Variants in HS6ST3 observed in about 807,000 individuals in gnomAD.
HS6ST3 encodes the protein heparan-sulfate 6-O-sulfotransferase 3.
HS6ST3 carries 12 observed loss-of-function variants against 36.7 expected under a neutral mutation model. The observed-to-expected ratio is 0.33, with a 90% CI of 0.21 to 0.53. The LOEUF (loss-of-function observed/expected upper bound fraction) is 0.53, where lower values mean the gene tolerates loss of function less well. Ranked by LOEUF, HS6ST3 falls within the 20% of genes least tolerant of loss-of-function variation. The pLI is 0.95. For missense variants in HS6ST3, 584 were observed against 640.9 expected (o/e 0.91, Z 0.96); for synonymous variants, 240 against 257.5 (o/e 0.93, Z 0.65).
intron 1 of HS6ST3, among the ~76,000 whole-genome samples, chr13:96,576,479 T>A (rs2056321674): frequency 6.6e-6 from 1 of 152,174 alleles, no homozygotes; most frequent in African/African-American, 2.4e-5. Flanking sequence ...ATTATATAGG[T>A]CTACACTCAT....
At chr13:96,216,631 C>T (rs753387638) in intron 1 of HS6ST3, among the ~76,000 whole-genome samples, 13 of 152,068 alleles carry the variant, frequency 8.5e-5, no homozygotes, top group Non-Finnish European at 1.5e-4. Context: ...AGAATTGTGT[C>T]GTTGTGGGGT....
At chr13:96,533,398 A>T (rs893558177) in intron 1 of HS6ST3, among the ~76,000 whole-genome samples, 5 of 152,208 alleles carry the variant, frequency 3.3e-5, no homozygotes, top group African/African-American at 4.8e-5. Flanking sequence ...GCCTGATTAG[A>T]TGGCCACAAT....
chr13:96,169,772 T>G (rs2139333650), intron 1 of HS6ST3: 1 of 152,350 alleles, frequency 6.6e-6, no homozygotes, highest in East Asian at 1.9e-4. Flanking sequence ...AAAACTCCTG[T>G]GCTGATCAGT....
At chr13:96,345,907 A>G (rs1403748915) in intron 1 of HS6ST3, among the ~76,000 whole-genome samples, 2 of 152,252 alleles carry the variant, frequency 1.3e-5, no homozygotes, top group Non-Finnish European at 2.9e-5. Flanking sequence ...GTGTTGAGCC[A>G]CATTCAAAGC....
At chr13:96,624,387 G>T (rs1213832795) in intron 1 of HS6ST3, among the ~76,000 whole-genome samples, 2 of 151,534 alleles carry the variant, frequency 1.3e-5, no homozygotes, top group African/African-American at 4.9e-5. Context: ...TTTTAGTTTT[G>T]CCTAGATTTG....
At chr13:96,675,040 C>T (rs1284365693) in intron 1 of HS6ST3, among the ~76,000 whole-genome samples, 1 of 152,128 alleles carries the variant, frequency 6.6e-6, no homozygotes, top group African/African-American at 2.4e-5. Context: ...TTTTGCTGTG[C>T]TGTGCTCAGT....
At chr13:96,238,504 G>A (rs539629453) in intron 1 of HS6ST3, among the ~76,000 whole-genome samples, 14 of 152,292 alleles carry the variant, frequency 9.2e-5, no homozygotes, top group African/African-American at 2.6e-4. Flanking sequence ...TTGCAAATGC[G>A]ACCTCATTCT....
chr13:96,312,521 T>C (rs2139409818), intron 1 of HS6ST3, among the ~76,000 whole-genome samples: 1 of 152,302 alleles, frequency 6.6e-6, no homozygotes, highest in East Asian at 1.9e-4. Flanking sequence ...TTGTTCTCTG[T>C]CATCAGTTGG....
At chr13:96,618,705 T>C (rs905763543) in intron 1 of HS6ST3, among the ~76,000 whole-genome samples, 3 of 152,174 alleles carry the variant, frequency 2.0e-5, no homozygotes, top group African/African-American at 7.2e-5. Flanking sequence ...TGACAAGTGT[T>C]AGTTATTTTG....
intron 1 of HS6ST3, among the ~76,000 whole-genome samples, chr13:96,530,091 A>T (rs137966595): frequency 1.4e-3 from 219 of 152,336 alleles, no homozygotes; most frequent in Admixed American, 3.7e-3. Flanking sequence ...TTATAGGCAG[A>T]AAAAGAGTGA....
chr13:96,159,628 C>G (rs950412636), intron 1 of HS6ST3, among the ~76,000 whole-genome samples: 2 of 152,156 alleles, frequency 1.3e-5, no homozygotes, highest in African/African-American at 4.8e-5. Flanking sequence ...ATAATAATTT[C>G]AGCAGTCATT....
intron 1 of HS6ST3, among the ~76,000 whole-genome samples, chr13:96,244,045 T>C (rs1005146242): frequency 6.6e-5 from 10 of 151,752 alleles, no homozygotes; most frequent in African/African-American, 1.9e-4. Flanking sequence ...CAAATTAAAA[T>C]GAATGTAGGA....
Position 96,618,057 on chromosome 13 carries a change from T to C in HS6ST3, c.708-214433T>C, listed in dbSNP as rs964967054. Among the ~76,000 whole-genome samples the C allele has an allele frequency of 4.6e-5, 7 of 152,150 alleles. No individual in the cohort carries two copies. In the East Asian group the frequency reaches 1.4e-3, roughly 29 times the overall value. ...AGCTTGCACTCCAATGAACAGACTC[T>C]TACCTCACTCATCTTGGGCAACCCC... On this transcript the variant is annotated intron_variant, in intron 1 of 1. Transcript: ENST00000376705.
intron 1 of HS6ST3, among the ~76,000 whole-genome samples, chr13:96,158,487 T>C (rs2054120429): frequency 6.6e-6 from 1 of 151,462 alleles, no homozygotes; most frequent in Non-Finnish European, 1.5e-5. Context: ...CCTGTCTTTA[T>C]TAAAATACAA....
In HS6ST3 at chr13:96,198,119, C is replaced by T. The variant is rs538396650; in HGVS notation, c.707+106550C>T. 1.1e-3 allele frequency among the ~76,000 whole-genome samples: 174 copies of T among 152,324 alleles called. 6 individuals are homozygous for T. The South Asian group carries it at 0.034, about 30-fold the overall frequency. On this transcript the variant is annotated intron_variant, in intron 1 of 1. Coordinates refer to ENST00000376705, the MANE Select transcript of HS6ST3 (RefSeq NM_153456.4). ...ACACCATGTGGAAGCTGCCAAGGCTCGGGGCTTACACCCTCTGAAGCCACA... is the reference window on the plus strand; with the variant it reads ...ACACCATGTGGAAGCTGCCAAGGCTTGGGGCTTACACCCTCTGAAGCCACA...
At chr13:96,522,868 G>T (rs1002072968) in intron 1 of HS6ST3, among the ~76,000 whole-genome samples, 1 of 152,086 alleles carries the variant, frequency 6.6e-6, no homozygotes, top group African/African-American at 2.4e-5. Flanking sequence ...TACATTTAAG[G>T]TTAATATTGT....
At chr13:96,823,658 T>C (rs1878585008) in intron 1 of HS6ST3, among the ~76,000 whole-genome samples, 1 of 152,090 alleles carries the variant, frequency 6.6e-6, no homozygotes, top group Non-Finnish European at 1.5e-5. Context: ...CTCACTCTGG[T>C]GTCCAGGCTG....
rs113390012 is a variant in HS6ST3 at position 96,722,877 on chromosome 13, G to A, written c.708-109613G>A. Among the ~76,000 whole-genome samples the A allele has an allele frequency of 7.6e-4, 116 of 152,146 alleles. 1 individual carries two copies. The highest frequency in any genetic ancestry group is 2.7e-3 in the African/African-American group (112 of 41,512). Reference sequence around the variant, plus strand: ...CTGTAGTCCCAGCTACACGGGAAGCGGAGGTGGGAAGATTGCTTGAGCCCG... The same window carrying A: ...CTGTAGTCCCAGCTACACGGGAAGCAGAGGTGGGAAGATTGCTTGAGCCCG... On this transcript the variant is annotated intron_variant, in intron 1 of 1. Coordinates refer to ENST00000376705, the MANE Select transcript of HS6ST3 (RefSeq NM_153456.4).
At chr13:96,723,184 T>C (rs1220938582) in intron 1 of HS6ST3, among the ~76,000 whole-genome samples, 1 of 152,168 alleles carries the variant, frequency 6.6e-6, no homozygotes, top group Non-Finnish European at 1.5e-5. Flanking sequence ...GGTATGGTCA[T>C]GATACGAAAT....
Sources: allele counts gnomAD v4.1 joint callset (sites outside exome capture counted in the v4.1 genomes callset), GRCh38; gene constraint gnomAD v4.1.1; transcripts MANE v1.5; gene names NCBI Gene and HGNC (gene_info 2026-07-23, HGNC 2026-07-21).